The following RUNX1T1 variants were observed in gnomAD, a reference collection of about 807,000 sequenced individuals.
RUNX1T1 encodes the protein protein CBFA2T1.
A neutral mutation model predicts 62.8 loss-of-function variants in RUNX1T1; 4 were observed. The ratio of observed to expected loss-of-function variants is 0.06; its 90% confidence interval spans 0.03 to 0.15. The LOEUF is 0.15. Among genes scored for constraint, RUNX1T1 ranks in the 10% least tolerant of loss-of-function variants. RUNX1T1 has a pLI of 1.00. For missense variants in RUNX1T1, 508 were observed against 754.3 expected (o/e 0.67, Z 3.82); for synonymous variants, 291 against 286.0 (o/e 1.02, Z -0.18).
At chr8:92,015,849 A>G (rs185773298) in intron 2 of RUNX1T1, among the ~76,000 whole-genome samples, 1 of 152,340 alleles carries the variant, frequency 6.6e-6, no homozygotes, top group Admixed American at 6.5e-5. Flanking sequence ...TAACCTGTCA[A>G]GAAATGCCAG....
exon 3 of RUNX1T1, chr8:92,014,759 G>T: frequency 6.2e-7 from 1 of 1,613,922 alleles, no homozygotes; most frequent in Non-Finnish European, 8.5e-7. Flanking sequence ...CATTGCTGAA[G>T]CCATTGGGTG....
intron 1 of RUNX1T1, among the ~76,000 whole-genome samples, chr8:92,084,250 A>T (rs1393661864): frequency 6.0e-5 from 9 of 150,182 alleles, no homozygotes; most frequent in Admixed American, 2.0e-4. Context: ...GTATAATAAA[A>T]ATAAAAATAA....
chr8:92,024,001 G>A (rs1270224125), intron 1 of RUNX1T1, among the ~76,000 whole-genome samples: 1 of 152,182 alleles, frequency 6.6e-6, no homozygotes, highest in African/African-American at 2.4e-5. Context: ...CTAACAGGCA[G>A]AAAAAAGCAA....
At chr8:92,049,882 A>G (rs1169412955) in intron 1 of RUNX1T1, among the ~76,000 whole-genome samples, 1 of 152,208 alleles carries the variant, frequency 6.6e-6, no homozygotes, top group Non-Finnish European at 1.5e-5. Context: ...TAATTTAGGC[A>G]AAAACTAAGA....
At chr8:92,009,292 G>A (rs548406014) in intron 4 of RUNX1T1, among the ~76,000 whole-genome samples, 1 of 152,232 alleles carries the variant, frequency 6.6e-6, no homozygotes, top group Non-Finnish European at 1.5e-5. Flanking sequence ...GGGTCTGCGG[G>A]TTACATTAGC....
At chr8:92,054,685 G>C (rs1830748879) in intron 1 of RUNX1T1, among the ~76,000 whole-genome samples, 1 of 152,106 alleles carries the variant, frequency 6.6e-6, no homozygotes. Flanking sequence ...ATAAACCCAA[G>C]TCACAAAGCT....
chr8:92,088,491 CTG>C (rs1836480420), intron 1 of RUNX1T1, among the ~76,000 whole-genome samples: 1 of 152,190 alleles, frequency 6.6e-6, no homozygotes, highest in East Asian at 1.9e-4. Flanking sequence ...TTCCTAATTT[CTG>C]ATACTCCACT....
intron 9 of RUNX1T1, among the ~76,000 whole-genome samples, chr8:91,973,144 C>T (rs775238180): frequency 1.9e-4 from 29 of 151,796 alleles, no homozygotes; most frequent in Non-Finnish European, 2.9e-5. Context: ...GGTAACTGTA[C>T]TGAAGTTATG....
intron 1 of RUNX1T1, among the ~76,000 whole-genome samples, chr8:92,034,109 A>C (rs1405245257): frequency 6.6e-6 from 1 of 152,192 alleles, no homozygotes. Flanking sequence ...TAGCGGTTGG[A>C]GCACAAGAAA....
intron 1 of RUNX1T1, among the ~76,000 whole-genome samples, chr8:92,091,641 A>G (rs1250600971): frequency 1.3e-5 from 2 of 152,210 alleles, no homozygotes; most frequent in African/African-American, 4.8e-5. Flanking sequence ...TATGTGATTC[A>G]GCATCTTTTC....
chr8:91,978,611 A>G (rs1158001518), intron 8 of RUNX1T1, among the ~76,000 whole-genome samples: 1 of 152,212 alleles, frequency 6.6e-6, no homozygotes, highest in Non-Finnish European at 1.5e-5. Context: ...GTCACTTGGA[A>G]ATAGAAAATA....
chr8:91,991,763 C>A (rs1817721150), exon 6 of RUNX1T1: 1 of 1,614,058 alleles, frequency 6.2e-7, no homozygotes, highest in Non-Finnish European at 8.5e-7. Context: ...TAGGGTGAGG[C>A]AGGCCATTGG....
chr8:92,062,667 G>T, exon 1 of RUNX1T1: 1 of 1,613,492 alleles, frequency 6.2e-7, no homozygotes, highest in Non-Finnish European at 8.5e-7. Context: ...CATCAGAGGG[G>T]CTGGGGCGGC....
At chr8:92,009,296 C>T (rs1821476049) in intron 4 of RUNX1T1, among the ~76,000 whole-genome samples, 1 of 152,170 alleles carries the variant, frequency 6.6e-6, no homozygotes. Flanking sequence ...CTGCGGGTTA[C>T]ATTAGCTTAA....
intron 1 of RUNX1T1, among the ~76,000 whole-genome samples, chr8:92,041,039 C>T (rs1194560528): frequency 2.0e-5 from 3 of 152,154 alleles, no homozygotes; most frequent in Non-Finnish European, 4.4e-5. Context: ...GCAGTTAATA[C>T]TCACCGAGCA....
At chr8:92,052,849 TG>T (rs1400346782) in intron 1 of RUNX1T1, among the ~76,000 whole-genome samples, 2 of 152,210 alleles carry the variant, frequency 1.3e-5, no homozygotes, top group African/African-American at 4.8e-5. Flanking sequence ...GCTTCCAAAG[TG>T]CTTGACTGAC....
chr8:91,995,525 T>C (rs1173798469), intron 5 of RUNX1T1, among the ~76,000 whole-genome samples: 1 of 152,166 alleles, frequency 6.6e-6, no homozygotes, highest in Non-Finnish European at 1.5e-5. Flanking sequence ...TAGTGACTAA[T>C]ACCTGTAGTC....
chr8:92,062,983 C>G, upstream of RUNX1T1: 1 of 1,165,522 alleles, frequency 8.6e-7, no homozygotes, highest in East Asian at 4.1e-5. Flanking sequence ...CCATCCTGTT[C>G]AAGGTTAACC....
chr8:92,009,676 C>T (rs1274209952), intron 4 of RUNX1T1: 2 of 150,214 alleles, frequency 1.3e-5, no homozygotes, highest in Admixed American at 6.7e-5. Flanking sequence ...GAAATCTTTA[C>T]AGAAAACAAC....
Sources: gnomAD v4.1 joint callset for allele counts (sites outside exome capture counted in the v4.1 genomes callset) on GRCh38, gnomAD v4.1.1 for gene constraint, MANE v1.5 for transcripts, NCBI Gene and HGNC (gene_info 2026-07-23, HGNC 2026-07-21) for gene names.